PIP5K1B: variants seen among roughly 807,000 people sequenced by gnomAD.
PIP5K1B encodes the protein phosphatidylinositol-4-phosphate 5-kinase type 1 beta.
In PIP5K1B, 42 loss-of-function variants were observed where a neutral mutation model predicts 67.0. The ratio of observed to expected loss-of-function variants is 0.63; its 90% CI spans 0.49 to 0.81. The LOEUF (loss-of-function observed/expected upper bound fraction) is 0.81. PIP5K1B is among the 30% of genes least tolerant of loss of function. The pLI, the probability that PIP5K1B is intolerant of heterozygous loss-of-function variation, is 0.00. For synonymous variants in PIP5K1B, 214 were observed against 231.4 expected, an observed-to-expected ratio of 0.92 and a Z score of 0.68; for missense variants, 459 against 646.3, an observed-to-expected ratio of 0.71 and a Z score of 3.14.
At chr9:68,819,784 G>GT (rs1235386895) in intron 3 of PIP5K1B, among the ~76,000 whole-genome samples, 4 of 151,960 alleles carry the variant, frequency 2.6e-5, no homozygotes, top group Admixed American at 1.3e-4. Context: ...CAATGCCCCT[G>GT]GTTAATAGGT....
At position 68,934,989 on chromosome 9, in the gene PIP5K1B, A is replaced by G. The variant is rs145477302; in HGVS notation, c.1301A>G (p.Asp434Gly). 1.5e-5 allele frequency: 24 copies of G among 1,613,684 alleles called. No individual in the cohort carries two copies. The African/African-American group carries it at 2.9e-4, about 20-fold the overall frequency. Residue 434 changes from aspartate (D) to glycine (G), a missense_variant, in exon 13 of 16, where the codon GAT (aspartate) becomes GGT (glycine). Asp to Gly is a moderately conservative substitution (Grantham distance 94, BLOSUM62 -1). Around this residue, in one of 2 missense-constraint regions of PIP5K1B, gnomAD observed 169 missense variants for 171.9 expected, o/e 0.98. Transcript: ENST00000265382. The part of the protein sequence containing the change: ...IVSSISQEWK[D>G]EKRDLLTEGQ... Reference sequence around the variant, plus strand: ...TCCTCAATTAGCCAGGAATGGAAGGATGAGAAGCGGGATTTGCTGACTGAA... The same window carrying G: ...TCCTCAATTAGCCAGGAATGGAAGGGTGAGAAGCGGGATTTGCTGACTGAA...
At chr9:68,867,570 A>G (rs944579928) in intron 5 of PIP5K1B, among the ~76,000 whole-genome samples, 3 of 152,220 alleles carry the variant, frequency 2.0e-5, no homozygotes, top group Non-Finnish European at 4.4e-5. Flanking sequence ...AATATCTCCT[A>G]GTTGCTGTAG....
In PIP5K1B at chr9:68,920,359, C is replaced by CTTTTTTTTTTTTTTTTTTTTTTTTTTT. The variant is rs5898051; in HGVS notation, c.1116+656_1116+657insTTTTTTTTTTTTTTTTTTTTTTTTTTT. Among the ~76,000 whole-genome samples, 26 of 98,308 alleles carry CTTTTTTTTTTTTTTTTTTTTTTTTTTT rather than the reference C, an allele frequency of 2.6e-4. 11 individuals carry two copies. The highest frequency in any genetic ancestry group is 4.0e-4 in the African/African-American group (11 of 27,434). The allele number at this position is 98,308 out of a possible 152,430, so 64.5% of individuals were successfully genotyped here. ...ATACATGCTGGCTGCCTGAGGTTGT[C>CTTTTTTTTTTTTTTTTTTTTTTTTTTT]TTTTTTTTTTTTTTTTTTTTTTTTT... is the stretch of plus-strand genomic sequence containing the variant. On this transcript the variant is annotated intron_variant, in intron 11 of 15. Coordinates refer to ENST00000265382, the MANE Select transcript of PIP5K1B (RefSeq NM_003558.4).
At chr9:68,962,299 T>A (rs1288460393) in intron 14 of PIP5K1B, among the ~76,000 whole-genome samples, 1 of 152,152 alleles carries the variant, frequency 6.6e-6, no homozygotes, top group Non-Finnish European at 1.5e-5. Context: ...ATCCCCTAAC[T>A]AAAGGCAGAA....
intron 1 of PIP5K1B, among the ~76,000 whole-genome samples, chr9:68,715,070 G>T (rs1470680644): frequency 6.6e-6 from 1 of 152,216 alleles, no homozygotes; most frequent in African/African-American, 2.4e-5. Flanking sequence ...GTTGACTGTG[G>T]CTTATCCTGG....
chr9:68,967,030 C>A (rs6560466), intron 14 of PIP5K1B, among the ~76,000 whole-genome samples: 7,275 of 152,208 alleles, frequency 0.048, 561 homozygotes, highest in African/African-American at 0.16. Context: ...GAATCCCAAT[C>A]CATATAAGGT....
chr9:68,974,204 G>T (rs1829527527), intron 14 of PIP5K1B, among the ~76,000 whole-genome samples: 1 of 152,104 alleles, frequency 6.6e-6, no homozygotes, highest in Non-Finnish European at 1.5e-5. Flanking sequence ...GATCATTCTG[G>T]TCCTCAGTCA....
At chr9:68,753,257 C>T (rs1298281138) in intron 2 of PIP5K1B, among the ~76,000 whole-genome samples, 2 of 150,308 alleles carry the variant, frequency 1.3e-5, no homozygotes, top group African/African-American at 2.4e-5. Context: ...CTTTATGACA[C>T]ATTTTGATAA....
Position 68,876,664 on chromosome 9 carries a change from AT to A in PIP5K1B, c.201-9del. 1 of 1,385,906 alleles carries A rather than the reference AT, an allele frequency of 7.2e-7. No homozygotes were observed. The highest frequency in any genetic ancestry group is 1.0e-6 in the Non-Finnish European group (1 of 972,764). The allele number at this position is 1,385,906 out of a possible 1,614,324, so 85.9% of individuals were successfully genotyped here. A position where few individuals can be genotyped will look rare whatever the true frequency, so the allele number is the denominator to read the frequency against. On this transcript the variant is annotated splice_polypyrimidine_tract_variant and intron_variant, in intron 5 of 15. Coordinates refer to ENST00000265382, the MANE Select transcript of PIP5K1B (RefSeq NM_003558.4). ...TTCTTTCTTTCTCTCTCTTTTTAAT[AT>A]TTTGACTTCAGCGAAGGGAGCAATC...
At chr9:68,801,156 G>C (rs1832581937) in intron 2 of PIP5K1B, among the ~76,000 whole-genome samples, 1 of 152,194 alleles carries the variant, frequency 6.6e-6, no homozygotes, top group Admixed American at 6.5e-5. Context: ...GTGTGTGTGA[G>C]GAGGGGATGG....
intron 8 of PIP5K1B, 131 bp from the exon 9 acceptor site, chr9:68,917,417 A>C (rs1826154448): frequency 2.8e-6 from 2 of 707,122 alleles, no homozygotes; most frequent in South Asian, 3.5e-5. Flanking sequence ...TTGATTCTTC[A>C]TCTCTCAGCC....
At chr9:68,988,444 GTTTTT>G (rs61373302) in intron 14 of PIP5K1B, among the ~76,000 whole-genome samples, 2 of 109,990 alleles carry the variant, frequency 1.8e-5, no homozygotes, top group East Asian at 3.3e-4. Flanking sequence ...TTTTTTTGGG[GTTTTT>G]TTTTTTTTTT....
At chr9:68,858,707 T>C (rs1198661091) in intron 4 of PIP5K1B, among the ~76,000 whole-genome samples, 4 of 152,248 alleles carry the variant, frequency 2.6e-5, no homozygotes, top group Admixed American at 6.5e-5. Flanking sequence ...ACAATCACTC[T>C]GCAAACATCT....
chr9:68,959,292 A>G (rs1218100161), intron 14 of PIP5K1B, among the ~76,000 whole-genome samples: 1 of 152,228 alleles, frequency 6.6e-6, no homozygotes, highest in Non-Finnish European at 1.5e-5. Flanking sequence ...ATATGATTGT[A>G]ATCACAGTGT....
intron 4 of PIP5K1B, among the ~76,000 whole-genome samples, chr9:68,837,644 G>C (rs1821693198): frequency 8.9e-6 from 1 of 112,218 alleles, no homozygotes. Flanking sequence ...CTTTTATATA[G>C]TCAAATTTGT....
At chr9:68,790,946 T>TA (rs989301946) in intron 2 of PIP5K1B, among the ~76,000 whole-genome samples, 9 of 152,296 alleles carry the variant, frequency 5.9e-5, no homozygotes, top group African/African-American at 2.2e-4. Flanking sequence ...CGGGGAGATG[T>TA]AAAAAATACT....
chr9:68,928,946 C>G (rs986575744), intron 12 of PIP5K1B, among the ~76,000 whole-genome samples: 1 of 152,196 alleles, frequency 6.6e-6, no homozygotes, highest in Non-Finnish European at 1.5e-5. Context: ...GGGCGGATCA[C>G]GAGGTCAGGA....
At chr9:68,728,497 G>T (rs191822667) in intron 1 of PIP5K1B, among the ~76,000 whole-genome samples, 1 of 152,040 alleles carries the variant, frequency 6.6e-6, no homozygotes, top group Non-Finnish European at 1.5e-5. Flanking sequence ...ATGAATTTAT[G>T]TGGGGGAGGG....
chr9:68,820,928 G>C (rs925204979), intron 3 of PIP5K1B, among the ~76,000 whole-genome samples: 1 of 151,934 alleles, frequency 6.6e-6, no homozygotes, highest in Non-Finnish European at 1.5e-5. Flanking sequence ...ATACGCAATA[G>C]TTTTGAGTGT....
Sources: gnomAD v4.1 joint callset for allele counts (sites outside exome capture counted in the v4.1 genomes callset) on GRCh38, gnomAD v4.1.1 for gene constraint, gnomAD v4.1.1 regional missense constraint, MANE v1.5 for transcripts, NCBI Gene and HGNC (gene_info 2026-07-23, HGNC 2026-07-21) for gene names.